ATRX: variants seen among roughly 807,000 people sequenced by gnomAD.
The protein encoded by ATRX is ATRX chromatin remodeler.
In ATRX, 12 loss-of-function variants were observed where a neutral mutation model predicts 172.6. The observed-to-expected ratio is 0.07, with a 90% confidence interval of 0.04 to 0.11. The LOEUF is 0.11. Among genes scored for constraint, ATRX ranks in the 10% least tolerant of loss-of-function variants. ATRX has a pLI of 1.00. For synonymous variants in ATRX, 674 were observed against 594.7 expected, an observed-to-expected ratio of 1.13 and a Z score of -1.94; for missense variants, 1,368 against 1,767.4, an observed-to-expected ratio of 0.77 and a Z score of 4.05.
chrX:77,716,110 ATTTTTTTTTTTTTTT>A (rs199639051), intron 2 of ATRX, among the ~76,000 whole-genome samples: 19 of 54,391 alleles, frequency 3.5e-4, no homozygotes, highest in African/African-American at 1.4e-3. Context: ...GTCTCTAAAA[ATTTTTTTTTTTTTTT>A]TTTTTTTTTT....
intron 15 of ATRX, among the ~76,000 whole-genome samples, chrX:77,644,562 C>A (rs2068813984): frequency 1.8e-5 from 2 of 110,373 alleles, no homozygotes; most frequent in African/African-American, 3.3e-5. Flanking sequence ...TGCACATGTA[C>A]CCTAGAACTT....
In ATRX at chrX:77,683,705, A is replaced by G. The variant is rs782219426; in HGVS notation, c.1551T>C (p.Ile517=). Residue 517 remains isoleucine (I), a synonymous_variant, in exon 9 of 35, where the codon ATT becomes ATC. Transcript: ENST00000373344. ...CTGGAACTGAGGAAGGAACAGACAC[A>G]ATATCCATGTCTAAATCTTCAGAAG... is the stretch of plus-strand genomic sequence containing the variant. ...ANTSEDLDMD[I]VSVPSSVPED... The G allele has an allele frequency of 8.3e-7, 1 of 1,211,323 alleles. No individual in the cohort carries two copies. The highest frequency in any genetic ancestry group is 1.1e-6 in the Non-Finnish European group (1 of 895,180).
At chrX:77,668,891 C>T (rs2070400367) in intron 10 of ATRX, among the ~76,000 whole-genome samples, 1 of 109,596 alleles carries the variant, frequency 9.1e-6, no homozygotes, top group Non-Finnish European at 1.9e-5. Context: ...TAACTCCAAT[C>T]CTATCTAGAA....
chrX:77,769,285 T>G (rs782222867), intron 1 of ATRX, among the ~76,000 whole-genome samples: 28 of 109,341 alleles, frequency 2.6e-4, no homozygotes, highest in South Asian at 7.9e-4. Flanking sequence ...TTGTTTGTTT[T>G]TTTTTTTTTT....
At chrX:77,523,493 T>C (rs2147765292) in intron 30 of ATRX, 92 bp from the exon 31 acceptor site, 1 of 902,008 alleles carries the variant, frequency 1.1e-6, no homozygotes, top group Non-Finnish European at 1.6e-6. Flanking sequence ...TACTAGAAAC[T>C]AAAACCTGAT....
intron 22 of ATRX, among the ~76,000 whole-genome samples, chrX:77,602,485 A>T (rs2066717765): frequency 9.2e-6 from 1 of 108,845 alleles, no homozygotes; most frequent in South Asian, 4.0e-4. Context: ...TTTAATTTGC[A>T]AAGTAGAAGG....
intron 1 of ATRX, among the ~76,000 whole-genome samples, chrX:77,732,976 T>C (rs1244945840): frequency 8.9e-6 from 1 of 111,991 alleles, no homozygotes; most frequent in Admixed American, 9.5e-5. Flanking sequence ...ATTACCCTTA[T>C]TTGCAGATGA....
chrX:77,580,842 AACT>A (rs782430697), intron 27 of ATRX, among the ~76,000 whole-genome samples: 1 of 112,418 alleles, frequency 8.9e-6, no homozygotes, highest in East Asian at 2.8e-4. Context: ...CAACAAAAAT[AACT>A]ACAACAACAT....
At chrX:77,519,822 A>G (rs2063169776) in intron 34 of ATRX, among the ~76,000 whole-genome samples, 1 of 111,731 alleles carries the variant, frequency 9.0e-6, no homozygotes, top group African/African-American at 3.3e-5. Flanking sequence ...CCCAAAAGAA[A>G]GGAAATCAGT....
At chrX:77,675,812 C>T (rs2070835409) in intron 10 of ATRX, 1 of 123,816 alleles carries the variant, frequency 8.1e-6, no homozygotes. Flanking sequence ...TCTCAACAGG[C>T]CTTAATAAAT....
chrX:77,625,931 T>C (rs1557102570), intron 19 of ATRX, among the ~76,000 whole-genome samples: 1 of 104,287 alleles, frequency 9.6e-6, no homozygotes, highest in African/African-American at 3.5e-5. Context: ...AAAAAGATAT[T>C]TGCACATGCA....
Position 77,522,256 on chromosome X carries a change from A to G in ATRX, c.6975+7T>C. 1 of 1,210,695 alleles carries G rather than the reference A, an allele frequency of 8.3e-7. No individual in the cohort carries two copies. Among genetic ancestry groups the G allele is most frequent in the Non-Finnish European group, 1.1e-6 (1 of 894,679 alleles). On this transcript the variant is annotated splice_region_variant and intron_variant, in intron 32 of 34. Coordinates refer to ENST00000373344, the MANE Select transcript of ATRX (RefSeq NM_000489.6). ...ATGTCAAACTACTTTTGTACTTCAC[A>G]ACTCACCTCCAGCTGTTGATTACTC...
intron 30 of ATRX, among the ~76,000 whole-genome samples, chrX:77,533,630 G>A (rs782197115): frequency 9.0e-6 from 1 of 110,995 alleles, no homozygotes; most frequent in Admixed American, 9.6e-5. Context: ...TGGCACCTGT[G>A]GGGGGTTGGG....
intron 15 of ATRX, among the ~76,000 whole-genome samples, chrX:77,639,014 G>GT (rs1398689947): frequency 8.9e-6 from 1 of 112,160 alleles, no homozygotes; most frequent in Non-Finnish European, 1.9e-5. Context: ...TATCACTGGG[G>GT]TAAAGCCATT....
At chrX:77,671,167 A>ATATATATATATAT (rs1557129938) in intron 10 of ATRX, among the ~76,000 whole-genome samples, 2 of 15,733 alleles carry the variant, frequency 1.3e-4, no homozygotes, top group African/African-American at 4.3e-4. Flanking sequence ...AAAAAAAAAA[A>ATATATATATATAT]ATATATATAT....
intron 1 of ATRX, among the ~76,000 whole-genome samples, chrX:77,783,517 T>C (rs2076634687): frequency 8.9e-6 from 1 of 112,182 alleles, no homozygotes; most frequent in South Asian, 3.6e-4. Flanking sequence ...TCCTAGAATA[T>C]TACTTTTTTT....
intron 30 of ATRX, among the ~76,000 whole-genome samples, chrX:77,556,307 G>A (rs1194125812): frequency 1.4e-5 from 1 of 68,993 alleles, no homozygotes; most frequent in African/African-American, 5.6e-5. Context: ...GAGGGAGAGA[G>A]GGGAAGAGGG....
intron 15 of ATRX, among the ~76,000 whole-genome samples, chrX:77,642,732 C>T (rs2148395274): frequency 9.0e-6 from 1 of 111,362 alleles, no homozygotes; most frequent in African/African-American, 3.3e-5. Flanking sequence ...CTCCAGTTCC[C>T]ACACAGAACT....
chrX:77,593,657 A>C, intron 26 of ATRX, 39 bp downstream of exon 26: 1 of 1,151,328 alleles, frequency 8.7e-7, no homozygotes, highest in Non-Finnish European at 1.2e-6. Flanking sequence ...AACATAATCA[A>C]AAGGTTAATT....
Sources: gnomAD v4.1 joint callset for allele counts (sites outside exome capture counted in the v4.1 genomes callset) on GRCh38, gnomAD v4.1.1 for gene constraint, MANE v1.5 for transcripts, NCBI Gene and HGNC (gene_info 2026-07-23, HGNC 2026-07-21) for gene names.